Variants in ELF2 observed in about 807,000 individuals in gnomAD.
The protein encoded by ELF2 is ETS-related transcription factor Elf-2.
In ELF2, 11 loss-of-function variants were observed where a neutral mutation model predicts 54.8. The observed-to-expected ratio is 0.20, with a 90% CI of 0.13 to 0.33. ELF2 has a LOEUF of 0.33. ELF2 is among the 10% of genes least tolerant of loss of function. The pLI, the probability that ELF2 is intolerant of heterozygous loss-of-function variation, is 1.00. For missense variants in ELF2, 513 were observed against 703.0 expected, an observed-to-expected ratio of 0.73 and a Z score of 3.06; for synonymous variants, 203 against 245.1, an observed-to-expected ratio of 0.83 and a Z score of 1.61.
chr4:139,156,330 C>T (rs1471371634), intron 1 of ELF2, among the ~76,000 whole-genome samples: 2 of 152,132 alleles, frequency 1.3e-5, no homozygotes, highest in Admixed American at 6.6e-5. Flanking sequence ...CACCCGCCAC[C>T]ATGCCTGGCT....
At position 139,143,718 on chromosome 4, in the gene ELF2, T is replaced by G. The variant is rs149276353; in HGVS notation, c.-251-4221A>C. 7.4e-3 allele frequency among the ~76,000 whole-genome samples: 1,129 copies of G among 152,190 alleles called. 9 individuals carry two copies. Among genetic ancestry groups the G allele is most frequent in the Non-Finnish European group, 0.012 (843 of 68,010 alleles). On this transcript the variant is annotated intron_variant, in intron 1 of 9. Coordinates refer to ENST00000686138, the MANE Select transcript of ELF2 (RefSeq NM_001331036.3). Reference sequence around the variant, plus strand: ...GAGCTCGAGCTCGGGAGGCGGAGGTTGCAGTGAGCCAAGATCGAGCCACTG... The same window carrying G: ...GAGCTCGAGCTCGGGAGGCGGAGGTGGCAGTGAGCCAAGATCGAGCCACTG...
intron 4 of ELF2, among the ~76,000 whole-genome samples, chr4:139,086,224 C>CTT (rs5862414): frequency 0.97 from 146,929 of 152,190 alleles, 71,025 homozygotes; most frequent in South Asian, 0.99. Context: ...GCCAAGCTGT[C>CTT]AAGTTTTTCT....
At chr4:139,173,515 T>C (rs1467161574) in intron 1 of ELF2, among the ~76,000 whole-genome samples, 4 of 151,982 alleles carry the variant, frequency 2.6e-5, no homozygotes, top group Non-Finnish European at 5.9e-5. Context: ...TCCCAGCACT[T>C]TGGGAGGCCG....
At chr4:139,141,755 C>A (rs1738721552) in intron 1 of ELF2, among the ~76,000 whole-genome samples, 1 of 152,080 alleles carries the variant, frequency 6.6e-6, no homozygotes. Context: ...TCTGGTCAAC[C>A]CTTACAGGCG....
intron 4 of ELF2, among the ~76,000 whole-genome samples, chr4:139,122,752 C>T (rs1349649296): frequency 2.0e-5 from 3 of 151,700 alleles, no homozygotes; most frequent in Non-Finnish European, 4.4e-5. Flanking sequence ...CCACCCACCT[C>T]GGCCTCCCAA....
At chr4:139,079,584 C>T (rs1218340340) in intron 4 of ELF2, among the ~76,000 whole-genome samples, 1 of 152,184 alleles carries the variant, frequency 6.6e-6, no homozygotes, top group African/African-American at 2.4e-5. Context: ...TAAGTTTTAG[C>T]TTCTAAACAT....
chr4:139,122,752 C>G (rs1349649296), intron 4 of ELF2, among the ~76,000 whole-genome samples: 1 of 151,700 alleles, frequency 6.6e-6, no homozygotes, highest in Non-Finnish European at 1.5e-5. Flanking sequence ...CCACCCACCT[C>G]GGCCTCCCAA....
intron 4 of ELF2, among the ~76,000 whole-genome samples, chr4:139,092,472 A>ATAACATAACAT (rs1553959712): frequency 8.7e-4 from 131 of 151,188 alleles, no homozygotes; most frequent in African/African-American, 1.1e-3. Context: ...ATAACATAAC[A>ATAACATAACAT]TAGGGCCGGG....
Position 139,114,724 on chromosome 4 carries a change from A to C in ELF2, c.238+10440T>G, listed in dbSNP as rs1984683. On this transcript the variant is annotated intron_variant, in intron 4 of 9. Coordinates refer to ENST00000686138, the MANE Select transcript of ELF2 (RefSeq NM_001331036.3). ...GCCACGGAGTCAATATAAAAACACAAAAAGTCCCATCAGTTTAATAACAAT... is the reference window on the plus strand; with the variant it reads ...GCCACGGAGTCAATATAAAAACACACAAAGTCCCATCAGTTTAATAACAAT... Among the ~76,000 whole-genome samples the C allele has an allele frequency of 1.3e-3, 198 of 150,292 alleles. 1 individual carries two copies. Among genetic ancestry groups the C allele is most frequent in the African/African-American group, 4.6e-3 (190 of 40,888 alleles).
At chr4:139,160,014 G>A (rs1740961512) in intron 1 of ELF2, among the ~76,000 whole-genome samples, 1 of 152,176 alleles carries the variant, frequency 6.6e-6, no homozygotes. Flanking sequence ...CGGAGCGGTA[G>A]CCTCAATGAT....
chr4:139,070,804 G>C (rs1353645355), intron 6 of ELF2, among the ~76,000 whole-genome samples: 1 of 152,158 alleles, frequency 6.6e-6, no homozygotes, highest in Non-Finnish European at 1.5e-5. Context: ...CAAGTGGGAA[G>C]ACACTGTCTT....
At chr4:139,138,657 T>G (rs1738419664) in intron 2 of ELF2, among the ~76,000 whole-genome samples, 1 of 152,252 alleles carries the variant, frequency 6.6e-6, no homozygotes, top group Admixed American at 6.5e-5. Context: ...TGTCTTTTGC[T>G]TATGGCAGCA....
At chr4:139,081,422 CAT>C (rs1731098544) in intron 4 of ELF2, among the ~76,000 whole-genome samples, 1 of 152,120 alleles carries the variant, frequency 6.6e-6, no homozygotes, top group Non-Finnish European at 1.5e-5. Flanking sequence ...TGCTTAGAAA[CAT>C]GTTATGCTGA....
chr4:139,172,068 A>G (rs1742364214), intron 1 of ELF2, among the ~76,000 whole-genome samples: 1 of 152,252 alleles, frequency 6.6e-6, no homozygotes, highest in Non-Finnish European at 1.5e-5. Flanking sequence ...ACAGTTTGGC[A>G]GTGTCCTAAA....
In ELF2 at chr4:139,151,095, A is replaced by AG. The variant is rs1447606613; in HGVS notation, c.-251-11599_-251-11598insC. On this transcript the variant is annotated intron_variant, in intron 1 of 9. Transcript: ENST00000686138. ...AAGAAAGAAAGAAAGAAAGAAAGAA[A>AG]AAGAGAGCTATTTAATAAATTGTGC... 3.1e-3 allele frequency among the ~76,000 whole-genome samples: 454 copies of AG among 148,666 alleles called. 22 individuals are homozygous for AG. Among genetic ancestry groups the AG allele is most frequent in the African/African-American group, 8.7e-3 (353 of 40,566 alleles).
chr4:139,161,950 T>G (rs1490919099), intron 1 of ELF2, among the ~76,000 whole-genome samples: 1 of 151,874 alleles, frequency 6.6e-6, no homozygotes, highest in African/African-American at 2.4e-5. Context: ...ATAAATTAGC[T>G]GGGTGTGGTG....
At chr4:139,086,293 AG>A (rs746011698) in intron 4 of ELF2, among the ~76,000 whole-genome samples, 22 of 152,216 alleles carry the variant, frequency 1.4e-4, no homozygotes, top group Non-Finnish European at 2.9e-4. Context: ...GGGAAAAAAC[AG>A]GGTCAAGAAA....
intron 1 of ELF2, among the ~76,000 whole-genome samples, chr4:139,142,010 T>C (rs1178638545): frequency 6.6e-6 from 1 of 152,214 alleles, no homozygotes; most frequent in Non-Finnish European, 1.5e-5. Context: ...AGCACTATTA[T>C]ATGATAGCAC....
intron 1 of ELF2, among the ~76,000 whole-genome samples, chr4:139,151,032 A>AAAAAGAAAGAAAGAAAGAAAG (rs1301387000): frequency 4.8e-4 from 49 of 102,524 alleles, no homozygotes; most frequent in Non-Finnish European, 6.7e-4. Context: ...TCAAAAAAAA[A>AAAAAGAAAGAAAGAAAGAAAG]AAAGAAAGAA....
Sources: allele counts gnomAD v4.1 joint callset (sites outside exome capture counted in the v4.1 genomes callset), GRCh38; gene constraint gnomAD v4.1.1; transcripts MANE v1.5; gene names NCBI Gene and HGNC (gene_info 2026-07-23, HGNC 2026-07-21).